LDLRAD2: variants seen among roughly 807,000 people sequenced by gnomAD.
The protein encoded by LDLRAD2 is low density lipoprotein receptor class A domain containing 2.
LDLRAD2 carries 25 observed loss-of-function variants against 24.9 expected under a neutral mutation model. The observed-to-expected ratio is 1.00, with a 90% confidence interval of 0.73 to 1.40. The LOEUF is 1.40. Ranked by LOEUF, LDLRAD2 falls within the 40% of genes most tolerant of loss-of-function variation. The probability of loss-of-function intolerance (pLI) is 0.00; values close to 1 mark genes in which losing one functional copy is unlikely to be tolerated. For missense variants in LDLRAD2, 391 were observed against 366.2 expected (o/e 1.07, Z -0.55); for synonymous variants, 182 against 166.7 (o/e 1.09, Z -0.71).
At chr1:21,813,203 G>C (rs996991587) in intron 1 of LDLRAD2, among the ~76,000 whole-genome samples, 5 of 152,160 alleles carry the variant, frequency 3.3e-5, no homozygotes, top group African/African-American at 1.2e-4. Context: ...GCTGAGGCAG[G>C]AGAATCGCTT....
In LDLRAD2 at chr1:21,820,679, T is replaced by C. The variant is rs372676829; in HGVS notation, c.644-771T>C. On this transcript the variant is annotated intron_variant, in intron 3 of 4. Coordinates refer to ENST00000344642, the MANE Select transcript of LDLRAD2 (RefSeq NM_001013693.3). The stretch of plus-strand genomic sequence containing the variant: ...CTAAACTCCCAGTGCCATGAAGACA[T>C]ATTTGTCATGTGCTCATGGTTGTAT... Among the ~76,000 whole-genome samples, 16 of 152,346 alleles carry C rather than the reference T, an allele frequency of 1.1e-4. No individual in the cohort carries two copies. In the East Asian group the frequency reaches 3.1e-3, roughly 29 times the overall value.
rs781607936 is a variant in LDLRAD2 at position 21,814,435 on chromosome 1, G to C, written c.123G>C (p.Gly41=). Residue 41 remains glycine, a synonymous_variant, in exon 2 of 5, where the codon GGG becomes GGC. Coordinates refer to ENST00000344642, the MANE Select transcript of LDLRAD2 (RefSeq NM_001013693.3). ...AACTGTGCGGGCAGACGTGGCAGGG[G>C]GACGGGCTGCTGCTGCGCTCGCACG... The part of the protein sequence containing the change: ...LAELCGQTWQ[G]DGLLLRSHAA... The C allele has an allele frequency of 2.5e-5, 41 of 1,609,082 alleles. No homozygotes were observed. Among genetic ancestry groups the C allele is most frequent in the Non-Finnish European group, 3.4e-5 (40 of 1,177,926 alleles).
At chr1:21,812,648 C>A in intron 1 of LDLRAD2, 112 bp downstream of exon 1, 1 of 825,270 alleles carries the variant, frequency 1.2e-6, no homozygotes, top group South Asian at 1.6e-5. Context: ...ACCTTTTGAG[C>A]TGGGGGAGGC....
At chr1:21,812,701 C>G (rs1239947791) in intron 1 of LDLRAD2, among the ~76,000 whole-genome samples, 165 bp downstream of exon 1, 1 of 152,224 alleles carries the variant, frequency 6.6e-6, no homozygotes, top group African/African-American at 2.4e-5. Context: ...CCAAATCCAA[C>G]CCAAAGCCTT....
At chr1:21,822,120 TG>T in intron 4 of LDLRAD2, 81 bp from the exon 5 acceptor site, 2 of 1,612,520 alleles carry the variant, frequency 1.2e-6, no homozygotes. Flanking sequence ...CTCACAGGGT[TG>T]GGGGCCTGGG....
chr1:21,819,227 G>A (rs1429180321), intron 3 of LDLRAD2, among the ~76,000 whole-genome samples: 2 of 151,912 alleles, frequency 1.3e-5, no homozygotes, highest in Non-Finnish European at 1.5e-5. Context: ...TACAAAATTA[G>A]CTGGGCGTGG....
intron 1 of LDLRAD2, among the ~76,000 whole-genome samples, 198 bp from the exon 2 acceptor site, chr1:21,814,200 T>C (rs949786479): frequency 1.6e-4 from 25 of 152,218 alleles, no homozygotes; most frequent in African/African-American, 5.5e-4. Context: ...TAAGGGATTG[T>C]AGATTTGAAT....
In LDLRAD2 at chr1:21,823,220, GT is replaced by G; in HGVS notation, c.*1008del. The G allele has an allele frequency of 3.3e-6, 4 of 1,216,142 alleles. No individual in the cohort carries two copies. Among genetic ancestry groups the G allele is most frequent in the Admixed American group, 3.0e-5 (1 of 32,822 alleles). 75.3% of individuals were successfully genotyped at this position (1,216,142 alleles called of 1,614,324 possible). ...AGCAGCAAAGCGTGGCATCGCCTCG[GT>G]TTCTTACAAAAATTCATAATAATAT... On this transcript the variant is annotated 3_prime_UTR_variant, in exon 5 of 5. Transcript: ENST00000344642.
intron 3 of LDLRAD2, among the ~76,000 whole-genome samples, chr1:21,816,660 C>G (rs2097944295): frequency 6.6e-6 from 1 of 152,096 alleles, no homozygotes; most frequent in Non-Finnish European, 1.5e-5. Context: ...ACCTGCCCAC[C>G]ACACCCAATT....
rs1356903776 is a variant in LDLRAD2 at position 21,823,846 on chromosome 1, T to C, written c.*1631T>C. On this transcript the variant is annotated 3_prime_UTR_variant, in exon 5 of 5. Coordinates refer to ENST00000344642, the MANE Select transcript of LDLRAD2 (RefSeq NM_001013693.3). ...AGTCTGTCCCTGTTTCCCAAGCTCTTTCTTTCCCCCGCTGAACGAGAGATC... is the reference window on the plus strand; with the variant it reads ...AGTCTGTCCCTGTTTCCCAAGCTCTCTCTTTCCCCCGCTGAACGAGAGATC... The C allele has an allele frequency of 1.2e-6, 1 of 809,696 alleles. No individual in the cohort carries two copies. Among genetic ancestry groups the C allele is most frequent in the Non-Finnish European group, 2.1e-6 (1 of 482,176 alleles). 50.2% of individuals were successfully genotyped at this position (809,696 alleles called of 1,614,324 possible). A position where few individuals can be genotyped will look rare whatever the true frequency, so the allele number is the denominator to read the frequency against.
chr1:21,817,862 A>G (rs960342235), intron 3 of LDLRAD2, among the ~76,000 whole-genome samples: 34 of 151,642 alleles, frequency 2.2e-4, no homozygotes, highest in Non-Finnish European at 4.4e-4. Flanking sequence ...TGTTACATTT[A>G]TTTATTTATT....
At chr1:21,814,332 G>T in intron 1 of LDLRAD2, 66 bp from the exon 2 acceptor site, 1 of 1,362,182 alleles carries the variant, frequency 7.3e-7, no homozygotes, top group South Asian at 1.4e-5. Context: ...TCACACAGCG[G>T]GCAGGGGACA....
chr1:21,823,330 G>A lies in LDLRAD2; in HGVS notation c.*1115G>A, dbSNP rs1395265342. 2 of 1,540,444 alleles carry A rather than the reference G, an allele frequency of 1.3e-6. No individual in the cohort carries two copies. Among genetic ancestry groups the A allele is most frequent in the Non-Finnish European group, 1.7e-6 (2 of 1,145,748 alleles). On this transcript the variant is annotated 3_prime_UTR_variant, in exon 5 of 5. Transcript: ENST00000344642. ...CAGGCAGGTGCCTACGAGGGGCAGG[G>A]GCGTGTGTTGGCCCCGGCCTGGGCG... is the stretch of plus-strand genomic sequence containing the variant.
At chr1:21,821,795 C>A in intron 4 of LDLRAD2, 184 bp downstream of exon 4, 2 of 1,436,716 alleles carry the variant, frequency 1.4e-6, no homozygotes, top group Non-Finnish European at 9.1e-7. Context: ...CCTGGGCCTC[C>A]TCTGGTGCTG....
In LDLRAD2 at chr1:21,823,979, T is replaced by C. The variant is rs1255678805; in HGVS notation, c.*1764T>C. The C allele has an allele frequency of 1.1e-6, 1 of 904,006 alleles. No individual in the cohort carries two copies. Among genetic ancestry groups the C allele is most frequent in the Non-Finnish European group, 1.8e-6 (1 of 569,112 alleles). The allele number at this position is 904,006 out of a possible 1,614,324, so 56.0% of individuals were successfully genotyped here. Reference sequence around the variant, plus strand: ...CAGTCCGAGATGGAAGCCCGAGCCCTGGCTGGTGGGTTCTCCCCTCCCCTG... The same window carrying C: ...CAGTCCGAGATGGAAGCCCGAGCCCCGGCTGGTGGGTTCTCCCCTCCCCTG... On this transcript the variant is annotated 3_prime_UTR_variant, in exon 5 of 5. Coordinates refer to ENST00000344642, the MANE Select transcript of LDLRAD2 (RefSeq NM_001013693.3).
At position 21,813,547 on chromosome 1, in the gene LDLRAD2, A is replaced by G. The variant is rs140764546; in HGVS notation, c.86-851A>G. The stretch of plus-strand genomic sequence containing the variant: ...TTTCCTCTCTGTGCTTACAGAAATC[A>G]GGGCTACTTTGAGTACTTGCACATC... On this transcript the variant is annotated intron_variant, in intron 1 of 4. Transcript: ENST00000344642. Among the ~76,000 whole-genome samples the G allele has an allele frequency of 3.3e-5, 5 of 152,324 alleles. No individual in the cohort carries two copies. The East Asian group carries it at 9.6e-4, about 29-fold the overall frequency.
intron 1 of LDLRAD2, among the ~76,000 whole-genome samples, chr1:21,813,741 G>A (rs2097940788): frequency 6.6e-6 from 1 of 152,188 alleles, no homozygotes; most frequent in Admixed American, 6.5e-5. Context: ...CAATGTCACT[G>A]TTCCTCTGAA....
intron 1 of LDLRAD2, 133 bp from the exon 2 acceptor site, chr1:21,814,265 C>T (rs1467627885): frequency 3.2e-6 from 2 of 632,714 alleles, no homozygotes; most frequent in Admixed American, 6.1e-5. Flanking sequence ...GATTAATCAT[C>T]CCCATTTTAC....
Position 21,822,429 on chromosome 1 carries a change from C to T in LDLRAD2, c.*214C>T. ...GGTCATATCCCCCTCCTCTCTCTCT[C>T]AGTCGTGAGTCCTGCCTTCCCCCAC... On this transcript the variant is annotated 3_prime_UTR_variant, in exon 5 of 5. Coordinates refer to ENST00000344642, the MANE Select transcript of LDLRAD2 (RefSeq NM_001013693.3). 3.4e-6 allele frequency: 2 copies of T among 592,536 alleles called. No individual in the cohort carries two copies. Among genetic ancestry groups the T allele is most frequent in the South Asian group, 3.9e-5 (2 of 50,852 alleles). The allele number at this position is 592,536 out of a possible 1,614,324, so 36.7% of individuals were successfully genotyped here. A position where few individuals can be genotyped will look rare whatever the true frequency, so the allele number is the denominator to read the frequency against.
Sources: allele counts gnomAD v4.1 joint callset (sites outside exome capture counted in the v4.1 genomes callset), GRCh38; gene constraint gnomAD v4.1.1; transcripts MANE v1.5; gene names NCBI Gene and HGNC (gene_info 2026-07-23, HGNC 2026-07-21).